EPS8L1: variants seen among roughly 807,000 people sequenced by gnomAD.
The protein encoded by EPS8L1 is EPS8 signaling adaptor L1.
A neutral mutation model predicts 91.7 loss-of-function variants in EPS8L1; 101 were observed. The ratio of observed to expected loss-of-function variants is 1.10; its 90% CI spans 0.94 to 1.30. EPS8L1 has a LOEUF of 1.30. Ranked by LOEUF, EPS8L1 falls within the 50% of genes most tolerant of loss-of-function variation. EPS8L1 has a pLI of 0.00. For synonymous variants in EPS8L1, 506 were observed against 445.3 expected (o/e 1.14, Z -1.72); for missense variants, 1,114 against 1,017.0 (o/e 1.10, Z -1.30).
rs577107111 is a variant in EPS8L1 at position 55,082,267 on chromosome 19, C to T, written c.991-8C>T. On this transcript the variant is annotated splice_region_variant and splice_polypyrimidine_tract_variant and intron_variant, in intron 10 of 19. Transcript: ENST00000201647. ...CCCACGCCAACCACCTCCCTCCCCA[C>T]GCCCCAGGCCCGGCTGCGCGGCAAC... 4 of 1,610,534 alleles carry T rather than the reference C, an allele frequency of 2.5e-6. No individual in the cohort carries two copies. Among genetic ancestry groups the T allele is most frequent in the African/African-American group, 1.3e-5 (1 of 75,006 alleles).
chr19:55,086,998 G>C, intron 18 of EPS8L1, 110 bp downstream of exon 18: 1 of 1,346,604 alleles, frequency 7.4e-7, no homozygotes, highest in Non-Finnish European at 9.7e-7. Flanking sequence ...ACAGGGAGCC[G>C]GGATTAGCCC....
chr19:55,087,344 T>C lies in EPS8L1; in HGVS notation c.1994T>C (p.Phe665Ser), dbSNP rs150079032. The C allele has an allele frequency of 5.3e-5, 85 of 1,612,638 alleles. 1 individual carries two copies. The African/African-American group carries it at 1.1e-3, about 21-fold the overall frequency. ...ALGVLTGAQL[F>S]SLQKEELRAV... Reference sequence around the variant, plus strand: ...GGTGTGCTGACCGGGGCGCAGCTTTTCTCGCTGCAGAAGGAGGAGCTGCGG... The same window carrying C: ...GGTGTGCTGACCGGGGCGCAGCTTTCCTCGCTGCAGAAGGAGGAGCTGCGG... The change falls in exon 19 of 20, where the codon TTC becomes TCC. Residue 665 changes from phenylalanine (F) to serine (S), a missense_variant. By Grantham distance (155) the Phe-to-Ser change is radical. Coordinates refer to ENST00000201647, the MANE Select transcript of EPS8L1 (RefSeq NM_133180.3).
rs1230298181 is a variant in EPS8L1, at chr19:55,086,813, C to T, written c.1877C>T (p.Pro626Leu). The T allele has an allele frequency of 1.3e-6, 2 of 1,586,022 alleles. No individual in the cohort carries two copies. The highest frequency in any genetic ancestry group is 1.7e-6 in the Non-Finnish European group (2 of 1,167,520). ...PSRAVPGPRA[P>L]EPQLSPGSDA... ...CGCGCAGTCCCAGGGCCCCGCGCCC[C>T]GGAACCGCAGCTCAGCCCGGGCTCG... The change falls in exon 18 of 20, where the codon CCG (proline) becomes CTG (leucine). Residue 626 changes from proline (P) to leucine (L), a missense_variant. Transcript: ENST00000201647.
chr19:55,086,634 C>A lies in EPS8L1; in HGVS notation c.1778-80C>A. The A allele has an allele frequency of 2.2e-6, 3 of 1,374,854 alleles. No homozygotes were observed. The South Asian group carries it at 3.9e-5, about 18-fold the overall frequency. The allele number at this position is 1,374,854 out of a possible 1,614,324, so 85.2% of individuals were successfully genotyped here. A position where few individuals can be genotyped will look rare whatever the true frequency, so the allele number is the denominator to read the frequency against. On this transcript the variant is annotated intron_variant, in intron 17 of 19. Coordinates refer to ENST00000201647, the MANE Select transcript of EPS8L1 (RefSeq NM_133180.3). Reference sequence around the variant, plus strand: ...CCGTCCCATTCTGGGGACGCTGGAGCGCCCCCCCGCCCCGCCCTCTGGCCC... The same window carrying A: ...CCGTCCCATTCTGGGGACGCTGGAGAGCCCCCCCGCCCCGCCCTCTGGCCC...
rs201424208 is a variant in EPS8L1, at chr19:55,086,697, C to T, written c.1778-17C>T. ...CCCTGAGCCCGCACTCCCTACCTCC[C>T]GGTTTCCCGCCTGCAGAGAAATTCT... On this transcript the variant is annotated splice_polypyrimidine_tract_variant and intron_variant, in intron 17 of 19. Coordinates refer to ENST00000201647, the MANE Select transcript of EPS8L1 (RefSeq NM_133180.3). The T allele has an allele frequency of 3.9e-4, 628 of 1,608,310 alleles. No homozygotes were observed. The highest frequency in any genetic ancestry group is 5.0e-4 in the Non-Finnish European group (585 of 1,178,162).
At position 55,081,447 on chromosome 19, in the gene EPS8L1, T is replaced by C; in HGVS notation, c.729T>C (p.Gly243=). Residue 243 remains glycine (G), a synonymous_variant, in exon 8 of 20, where the codon GGT becomes GGC. Coordinates refer to ENST00000201647, the MANE Select transcript of EPS8L1 (RefSeq NM_133180.3). This position sits in a 1 kb window ranked among gnomAD's most constrained non-coding sequence, Gnocchi z 4.9. The stretch of plus-strand genomic sequence containing the variant: ...CTGACTCGGCCTCCCCGGACCTGGG[T>C]CCCCGGGGTCCTGACCTGGCGGTTC... The part of the protein sequence containing the change: ...SNADSASPDL[G]PRGPDLAVLQ... 4.4e-6 allele frequency: 7 copies of C among 1,602,604 alleles called. No homozygotes were observed. The highest frequency in any genetic ancestry group is 6.0e-6 in the Non-Finnish European group (7 of 1,175,712).
In EPS8L1 at chr19:55,081,451, C is replaced by T. The variant is rs1486358061; in HGVS notation, c.733C>T (p.Arg245Trp). The change falls in exon 8 of 20, where the codon CGG becomes TGG. Residue 245 changes from arginine (R) to tryptophan (W), a missense_variant. Physicochemically the swap from Arg to Trp is moderately radical, Grantham distance 101 (BLOSUM62 -3). Transcript: ENST00000201647. The surrounding 1 kb of genome is among the most constrained non-coding windows in gnomAD (Gnocchi z 4.9). Reference sequence around the variant, plus strand: ...CTCGGCCTCCCCGGACCTGGGTCCCCGGGGTCCTGACCTGGCGGTTCTGCA... The same window carrying T: ...CTCGGCCTCCCCGGACCTGGGTCCCTGGGGTCCTGACCTGGCGGTTCTGCA... Reference protein sequence around the residue: ...ADSASPDLGPRGPDLAVLQAE... With the variant: ...ADSASPDLGPWGPDLAVLQAE... 4 of 1,602,844 alleles carry T rather than the reference C, an allele frequency of 2.5e-6. No homozygotes were observed. Among genetic ancestry groups the T allele is most frequent in the African/African-American group, 2.7e-5 (2 of 74,612 alleles).
In EPS8L1 at chr19:55,087,647, GC is replaced by G; in HGVS notation, c.*37del. ...GGCGCCCTTCGCAAAGAGTGACGAGGCCCCGTGGGAGAACGGACTCCTCAGA... is the reference window on the plus strand; with the variant it reads ...GGCGCCCTTCGCAAAGAGTGACGAGGCCCGTGGGAGAACGGACTCCTCAGA... On this transcript the variant is annotated 3_prime_UTR_variant, in exon 20 of 20. Coordinates refer to ENST00000201647, the MANE Select transcript of EPS8L1 (RefSeq NM_133180.3). 2 of 1,609,524 alleles carry G rather than the reference GC, an allele frequency of 1.2e-6. No individual in the cohort carries two copies. The highest frequency in any genetic ancestry group is 1.7e-6 in the Non-Finnish European group (2 of 1,176,632).
chr19:55,087,914 G>C lies in EPS8L1; in HGVS notation c.*300G>C, dbSNP rs188587147. The stretch of plus-strand genomic sequence containing the variant: ...GCGGCCCAGCCTATAAACAGCCTCC[G>C]TGCTTAGCAGATGGTGTGCCAACTG... On this transcript the variant is annotated 3_prime_UTR_variant, in exon 20 of 20. Transcript: ENST00000201647. 4 of 395,852 alleles carry C rather than the reference G, an allele frequency of 1.0e-5. No homozygotes were observed. The highest frequency in any genetic ancestry group is 7.8e-5 in the Admixed American group (2 of 25,802). 24.5% of individuals were successfully genotyped at this position (395,852 alleles called of 1,614,324 possible). A position where few individuals can be genotyped will look rare whatever the true frequency, so the allele number is the denominator to read the frequency against.
Position 55,086,116 on chromosome 19 carries a change from G to T in EPS8L1, c.1574G>T (p.Gly525Val). ...WKVRDPAGQE[G>V]YVPYNILTPY... ...GTTCGGGACCCAGCGGGGCAGGAGGGATATGTGCCCTACAACATCCTGACA... is the reference window on the plus strand; with the variant it reads ...GTTCGGGACCCAGCGGGGCAGGAGGTATATGTGCCCTACAACATCCTGACA... The change falls in exon 16 of 20, where the codon GGA becomes GTA. Residue 525 changes from glycine (G) to valine (V), a missense_variant. By Grantham distance (109) the Gly-to-Val change is moderately radical. Transcript: ENST00000201647. The T allele has an allele frequency of 6.2e-7, 1 of 1,607,008 alleles. No individual in the cohort carries two copies. The highest frequency in any genetic ancestry group is 8.5e-7 in the Non-Finnish European group (1 of 1,175,864).
intron 14 of EPS8L1, chr19:55,084,412 AG>A (rs2076335976): frequency 6.6e-6 from 1 of 152,016 alleles, no homozygotes; most frequent in Admixed American, 6.6e-5. Context: ...GTCCTGGGGG[AG>A]GGAAGGAGGT....
Position 55,082,036 on chromosome 19 carries a change from T to C in EPS8L1, c.902-56T>C, listed in dbSNP as rs896653861. On this transcript the variant is annotated intron_variant, in intron 9 of 19. Transcript: ENST00000201647. ...TCTTAACCGGGTGTCCACCTCTCTCTGCCTGCCTGGTGCTGGCCCCGCGTC... is the reference window on the plus strand; with the variant it reads ...TCTTAACCGGGTGTCCACCTCTCTCCGCCTGCCTGGTGCTGGCCCCGCGTC... 2.6e-6 allele frequency: 4 copies of C among 1,553,570 alleles called. No homozygotes were observed. In the African/African-American group the frequency reaches 4.1e-5, roughly 16 times the overall value.
rs1448971124 is a variant in EPS8L1 at position 55,087,695 on chromosome 19, G to C, written c.*81G>C. 6.9e-7 allele frequency: 1 copy of C among 1,459,150 alleles called. No homozygotes were observed. 90.4% of individuals were successfully genotyped at this position (1,459,150 alleles called of 1,614,324 possible). On this transcript the variant is annotated 3_prime_UTR_variant, in exon 20 of 20. Transcript: ENST00000201647. ...CAGACTCTCCCCAATAGCGGAAGTCGATCTTCTGAAGGATGGCCAATCTGC... is the reference window on the plus strand; with the variant it reads ...CAGACTCTCCCCAATAGCGGAAGTCCATCTTCTGAAGGATGGCCAATCTGC...
chr19:55,076,407 G>A lies in EPS8L1; in HGVS notation c.-37-1G>A. 1.2e-6 allele frequency: 2 copies of A among 1,610,236 alleles called. No homozygotes were observed. Among genetic ancestry groups the A allele is most frequent in the Non-Finnish European group, 1.7e-6 (2 of 1,178,220 alleles). On this transcript the variant is annotated splice_acceptor_variant, in intron 1 of 19. Transcript: ENST00000201647. LOFTEE classifies it low-confidence loss of function (5UTR_SPLICE). Reference sequence around the variant, plus strand: ...GCCTTCACATGTTTGCTGGCTCCCAGGGCACCTCCAGGTGGGCAGGAGCTA... The same window carrying A: ...GCCTTCACATGTTTGCTGGCTCCCAAGGCACCTCCAGGTGGGCAGGAGCTA...
chr19:55,079,460 C>A, intron 4 of EPS8L1: 1 of 602,904 alleles, frequency 1.7e-6, no homozygotes, highest in South Asian at 2.1e-5. Flanking sequence ...CCTTCCCTGC[C>A]CGCAAGGAGC....
chr19:55,086,287 G>C (rs1568797338), intron 16 of EPS8L1, 95 bp downstream of exon 16: 1 of 1,612,034 alleles, frequency 6.2e-7, no homozygotes, highest in Admixed American at 1.7e-5. Flanking sequence ...AAGAGTGCTG[G>C]AGCAGGTGGT....
chr19:55,080,904 T>C (rs1382243850), intron 7 of EPS8L1, 50 bp downstream of exon 7: 2 of 1,508,072 alleles, frequency 1.3e-6, no homozygotes, highest in East Asian at 4.6e-5. Flanking sequence ...TTTCCCCTCC[T>C]TGTGCCTCAG....
chr19:55,080,282 A>G lies in EPS8L1; in HGVS notation c.429+4A>G. The stretch of plus-strand genomic sequence containing the variant: ...CTTCCAGGGCCTGCGCCTCGGGGTG[A>G]GCAGATGGGCTGGCTCTGGGGGTGG... On this transcript the variant is annotated splice_donor_region_variant and intron_variant, in intron 6 of 19. Transcript: ENST00000201647. The G allele has an allele frequency of 6.5e-7, 1 of 1,534,252 alleles. No homozygotes were observed. Among genetic ancestry groups the G allele is most frequent in the South Asian group, 1.2e-5 (1 of 82,156 alleles).
chr19:55,086,635 G>GGGCCCCCCCCCCCCCC, intron 17 of EPS8L1, 79 bp from the exon 18 acceptor site: 1 of 1,307,708 alleles, frequency 7.6e-7, no homozygotes, highest in Non-Finnish European at 1.1e-6. Flanking sequence ...ACGCTGGAGC[G>GGGCCCCCCCCCCCCCC]CCCCCCCGCC....
Sources: gnomAD v4.1 joint callset for allele counts on GRCh38, gnomAD v4.1.1 for gene constraint, Gnocchi (gnomAD v3.1) non-coding constraint, MANE v1.5 for transcripts, NCBI Gene and HGNC (gene_info 2026-07-23, HGNC 2026-07-21) for gene names.